The following MSRA variants were observed in gnomAD, a reference collection of about 807,000 sequenced individuals.
The protein encoded by MSRA is methionine sulfoxide reductase A.
In MSRA, 54 loss-of-function variants were observed where a neutral mutation model predicts 31.3. The ratio of observed to expected loss-of-function variants is 1.73; its 90% CI spans 1.39 to 2.17. MSRA has a LOEUF of 2.17. MSRA is among the 30% of genes most tolerant of loss of function. MSRA has a pLI of 0.00. For missense variants in MSRA, 507 were observed against 300.9 expected, an observed-to-expected ratio of 1.69 and a Z score of -5.07; for synonymous variants, 169 against 116.5, an observed-to-expected ratio of 1.45 and a Z score of -2.90.
intron 3 of MSRA, among the ~76,000 whole-genome samples, chr8:10,296,906 G>A (rs1325273960): frequency 2.0e-5 from 3 of 152,292 alleles, no homozygotes; most frequent in South Asian, 2.1e-4. Flanking sequence ...ACAGCTCACC[G>A]GCTCTCTCTT....
intron 1 of MSRA, among the ~76,000 whole-genome samples, 166 bp downstream of exon 1, chr8:10,054,824 G>A (rs1802229794): frequency 6.6e-6 from 1 of 152,206 alleles, no homozygotes; most frequent in South Asian, 2.1e-4. Context: ...TGGCCGGGGA[G>A]ACGCTGGGGT....
intron 4 of MSRA, among the ~76,000 whole-genome samples, chr8:10,316,851 C>G (rs532806065): frequency 6.6e-6 from 1 of 152,054 alleles, no homozygotes; most frequent in Non-Finnish European, 1.5e-5. Flanking sequence ...GGGAGGACTT[C>G]GGGACACCAT....
At chr8:10,394,143 C>G (rs557851225) in intron 5 of MSRA, among the ~76,000 whole-genome samples, 5 of 152,292 alleles carry the variant, frequency 3.3e-5, no homozygotes, top group African/African-American at 9.6e-5. Flanking sequence ...CCAGTCTCTT[C>G]GACGTCCTCA....
At chr8:10,248,413 C>T (rs1797736191) in intron 3 of MSRA, among the ~76,000 whole-genome samples, 1 of 152,160 alleles carries the variant, frequency 6.6e-6, no homozygotes, top group Non-Finnish European at 1.5e-5. Context: ...TACCACCGCT[C>T]TGTGCAACCT....
At chr8:10,335,950 G>A (rs1043403875) in intron 5 of MSRA, among the ~76,000 whole-genome samples, 2 of 152,098 alleles carry the variant, frequency 1.3e-5, no homozygotes, top group South Asian at 2.1e-4. Flanking sequence ...GCACACTCCC[G>A]CTCCCTGATT....
intron 3 of MSRA, among the ~76,000 whole-genome samples, chr8:10,259,843 C>T (rs985525509): frequency 6.6e-6 from 1 of 152,204 alleles, no homozygotes; most frequent in Non-Finnish European, 1.5e-5. Flanking sequence ...TCTTCCATGG[C>T]AGTCGGTGCC....
chr8:10,230,457 T>C (rs952261018), intron 2 of MSRA, among the ~76,000 whole-genome samples: 21 of 152,098 alleles, frequency 1.4e-4, no homozygotes, highest in African/African-American at 4.6e-4. Context: ...GTATGGATGT[T>C]AGAACTTCAA....
intron 5 of MSRA, among the ~76,000 whole-genome samples, chr8:10,352,880 C>A (rs746166021): frequency 6.6e-6 from 1 of 152,098 alleles, no homozygotes; most frequent in South Asian, 2.1e-4. Flanking sequence ...TTTAAAAAAT[C>A]GGCTCTGTCT....
rs1554531885 is a variant in MSRA, at chr8:10,339,556, T to TTTTTTTC, written c.543+19568_543+19569insTTTTTCT. On this transcript the variant is annotated intron_variant, in intron 5 of 5. Transcript: ENST00000317173. ...CTTTTTTTTTTTTTTTTTTTTTTTT[T>TTTTTTTC]TCTGAGACGGAATCTCGTTCTGTCG... is the stretch of plus-strand genomic sequence containing the variant. Among the ~76,000 whole-genome samples the TTTTTTTC allele has an allele frequency of 3.3e-4, 33 of 100,716 alleles. 1 individual carries two copies. The highest frequency in any genetic ancestry group is 7.2e-4 in the East Asian group (2 of 2,760). 66.1% of individuals were successfully genotyped at this position (100,716 alleles called of 152,430 possible).
At chr8:10,392,250 A>C (rs1250149462) in intron 5 of MSRA, among the ~76,000 whole-genome samples, 1 of 152,240 alleles carries the variant, frequency 6.6e-6, no homozygotes, top group Non-Finnish European at 1.5e-5. Context: ...CCTCTCTTAA[A>C]TTTTAAGAAC....
chr8:10,286,924 C>T (rs746910166), intron 3 of MSRA, among the ~76,000 whole-genome samples: 1 of 152,178 alleles, frequency 6.6e-6, no homozygotes, highest in Non-Finnish European at 1.5e-5. Flanking sequence ...ACCTTTTTGG[C>T]GTTTTTATTA....
intron 1 of MSRA, among the ~76,000 whole-genome samples, chr8:10,189,114 A>G (rs1229123369): frequency 2.6e-5 from 4 of 152,170 alleles, no homozygotes; most frequent in Non-Finnish European, 5.9e-5. Context: ...ATTTCATGTT[A>G]TATGTTGTTA....
chr8:10,428,370 G>T lies in MSRA; in HGVS notation c.*58G>T. 6.4e-7 allele frequency: 1 copy of T among 1,556,986 alleles called. No homozygotes were observed. Among genetic ancestry groups the T allele is most frequent in the East Asian group, 2.2e-5 (1 of 44,468 alleles). On this transcript the variant is annotated 3_prime_UTR_variant, in exon 6 of 6. Coordinates refer to ENST00000317173, the MANE Select transcript of MSRA (RefSeq NM_012331.5). ...AGTAAAAATGCTTTCAACAAATTGG[G>T]CAATGCTTGTGTGATTCACAATCGT...
intron 3 of MSRA, among the ~76,000 whole-genome samples, chr8:10,292,787 G>A (rs1800314884): frequency 6.6e-6 from 1 of 152,130 alleles, no homozygotes. Flanking sequence ...CAGGACCTGG[G>A]GTGACCCTGA....
At chr8:10,293,327 G>T (rs941166351) in intron 3 of MSRA, among the ~76,000 whole-genome samples, 1 of 152,198 alleles carries the variant, frequency 6.6e-6, no homozygotes, top group South Asian at 2.1e-4. Context: ...CAACAAAGAT[G>T]AGCTACTGCT....
intron 1 of MSRA, among the ~76,000 whole-genome samples, chr8:10,138,082 G>C (rs530474014): frequency 2.8e-4 from 43 of 152,280 alleles, no homozygotes; most frequent in Admixed American, 9.1e-4. Context: ...GATGAAATAA[G>C]AGCCTTGGCT....
intron 1 of MSRA, among the ~76,000 whole-genome samples, chr8:10,099,517 C>G (rs78475147): frequency 1.3e-5 from 2 of 152,178 alleles, no homozygotes; most frequent in Non-Finnish European, 2.9e-5. Context: ...AGCAGCCATG[C>G]TGGGCGCAGG....
intron 5 of MSRA, among the ~76,000 whole-genome samples, chr8:10,367,488 A>T (rs6601449): frequency 0.55 from 84,171 of 152,024 alleles, 24,029 homozygotes; most frequent in African/African-American, 0.68. Flanking sequence ...ATGGATAAGG[A>T]GGGCTTCCGT....
In MSRA at chr8:10,098,787, A is replaced by G. The variant is rs886594415; in HGVS notation, c.142+44129A>G. On this transcript the variant is annotated intron_variant, in intron 1 of 5. Coordinates refer to ENST00000317173, the MANE Select transcript of MSRA (RefSeq NM_012331.5). ...TGTTCAAGTCTTCTGACAGACATGTAAAATAAGCAATTCAAATCAGGGAGG... is the reference window on the plus strand; with the variant it reads ...TGTTCAAGTCTTCTGACAGACATGTGAAATAAGCAATTCAAATCAGGGAGG... Among the ~76,000 whole-genome samples the G allele has an allele frequency of 1.0e-3, 153 of 152,216 alleles. 2 individuals are homozygous for G. Among genetic ancestry groups the G allele is most frequent in the Non-Finnish European group, 3.8e-4 (26 of 68,046 alleles).
Sources: allele counts gnomAD v4.1 joint callset (sites outside exome capture counted in the v4.1 genomes callset), GRCh38; gene constraint gnomAD v4.1.1; transcripts MANE v1.5; gene names NCBI Gene and HGNC (gene_info 2026-07-23, HGNC 2026-07-21).